SOBP: variants seen among roughly 807,000 people sequenced by gnomAD.
SOBP encodes the protein sine oculis-binding protein homolog.
In SOBP, 4 loss-of-function variants were observed where a neutral mutation model predicts 53.6. That is an observed-to-expected ratio of 0.07 (90% confidence interval 0.04 to 0.17). SOBP has a LOEUF of 0.17. SOBP is among the 10% of genes least tolerant of loss of function. SOBP has a pLI of 1.00. For missense variants in SOBP, 1,088 were observed against 1,204.7 expected (o/e 0.90, Z 1.43); for synonymous variants, 584 against 522.6 (o/e 1.12, Z -1.60).
chr6:107,529,952 T>C (rs767861135), intron 3 of SOBP, among the ~76,000 whole-genome samples: 2 of 152,216 alleles, frequency 1.3e-5, no homozygotes, highest in Non-Finnish European at 2.9e-5. Context: ...CTGATACATA[T>C]TTATATGATA....
Position 107,635,511 on chromosome 6 carries a change from A to G in SOBP, c.*3+42A>G. 3 of 1,608,346 alleles carry G rather than the reference A, an allele frequency of 1.9e-6. No individual in the cohort carries two copies. The highest frequency in any genetic ancestry group is 2.5e-6 in the Non-Finnish European group (3 of 1,179,086). On this transcript the variant is annotated intron_variant, in intron 6 of 6. Transcript: ENST00000317357. The surrounding 1 kb of genome is among the most constrained non-coding windows in gnomAD (Gnocchi z 4.5). ...GGCGCTCCTCCACACCAGCCAGTGC[A>G]CCTCTCCTTACTTCTGACAAGGCAG... is the stretch of plus-strand genomic sequence containing the variant.
At chr6:107,617,162 C>T (rs1205567808) in intron 5 of SOBP, among the ~76,000 whole-genome samples, 5 of 152,150 alleles carry the variant, frequency 3.3e-5, no homozygotes, top group South Asian at 2.1e-4. Flanking sequence ...TGTGCGCTGG[C>T]TTTTGAATTT....
At chr6:107,609,390 A>G (rs774625856) in intron 5 of SOBP, among the ~76,000 whole-genome samples, 11 of 152,188 alleles carry the variant, frequency 7.2e-5, no homozygotes, top group Non-Finnish European at 1.6e-4. Context: ...ATAGGATTTT[A>G]TAATAATAGC....
At chr6:107,590,544 T>C (rs1182419438) in intron 5 of SOBP, among the ~76,000 whole-genome samples, 1 of 152,200 alleles carries the variant, frequency 6.6e-6, no homozygotes, top group Non-Finnish European at 1.5e-5. Flanking sequence ...TCCTGAGCCA[T>C]CACCTAGACA....
chr6:107,532,034 A>G (rs868528341), intron 3 of SOBP, among the ~76,000 whole-genome samples: 4 of 152,126 alleles, frequency 2.6e-5, no homozygotes, highest in Non-Finnish European at 4.4e-5. Flanking sequence ...GACAAACTCT[A>G]TGAACCCTGA....
intron 4 of SOBP, among the ~76,000 whole-genome samples, chr6:107,586,586 A>T (rs1029028435): frequency 1.3e-5 from 2 of 150,502 alleles, no homozygotes; most frequent in African/African-American, 4.9e-5. Context: ...CTCCTTTTAG[A>T]TCTTTATTTA....
At chr6:107,653,306 C>T (rs1172576993) in intron 6 of SOBP, among the ~76,000 whole-genome samples, 2 of 152,204 alleles carry the variant, frequency 1.3e-5, no homozygotes, top group Admixed American at 6.5e-5. Flanking sequence ...GTTCATTGAC[C>T]GCAGGGCTCT....
intron 6 of SOBP, among the ~76,000 whole-genome samples, chr6:107,654,854 C>T (rs533560550): frequency 5.4e-4 from 70 of 130,092 alleles, no homozygotes; most frequent in African/African-American, 2.2e-3. Flanking sequence ...GTAGAAGAAT[C>T]AAGGCTCTGG....
At chr6:107,574,624 C>T (rs959156822) in intron 4 of SOBP, among the ~76,000 whole-genome samples, 4 of 152,146 alleles carry the variant, frequency 2.6e-5, no homozygotes, top group Admixed American at 6.5e-5. Context: ...GGGTTTCTCA[C>T]GCTGAATCAC....
chr6:107,650,824 C>G (rs1771772601), intron 6 of SOBP, among the ~76,000 whole-genome samples: 2 of 152,104 alleles, frequency 1.3e-5, no homozygotes, highest in Non-Finnish European at 2.9e-5. Context: ...AGGAGGAGAC[C>G]CATGTCTCTC....
intron 2 of SOBP, among the ~76,000 whole-genome samples, chr6:107,505,522 C>T (rs1043224369): frequency 2.0e-5 from 3 of 152,048 alleles, no homozygotes; most frequent in Non-Finnish European, 4.4e-5. Context: ...GGGGTCTCAC[C>T]ATGTTGGCCA....
intron 6 of SOBP, among the ~76,000 whole-genome samples, chr6:107,642,825 C>T (rs1771388630): frequency 6.6e-6 from 1 of 152,188 alleles, no homozygotes; most frequent in Non-Finnish European, 1.5e-5. Flanking sequence ...AGAAACGCTT[C>T]ATGAATTCAT....
At chr6:107,500,893 G>A (rs1782829417) in intron 1 of SOBP, among the ~76,000 whole-genome samples, 1 of 152,176 alleles carries the variant, frequency 6.6e-6, no homozygotes, top group Non-Finnish European at 1.5e-5. Flanking sequence ...TACAACAGAA[G>A]TAATAGTCAT....
At chr6:107,529,064 G>C (rs1192448269) in intron 3 of SOBP, among the ~76,000 whole-genome samples, 5 of 152,122 alleles carry the variant, frequency 3.3e-5, no homozygotes, top group African/African-American at 1.2e-4. Context: ...TGTTCTTTGT[G>C]GTTTAGTGGT....
At chr6:107,522,433 G>A (rs144081168) in intron 3 of SOBP, among the ~76,000 whole-genome samples, 20 of 151,598 alleles carry the variant, frequency 1.3e-4, no homozygotes, top group African/African-American at 4.6e-4. Context: ...GGGATTGAGG[G>A]TAACAAACTC....
intron 1 of SOBP, among the ~76,000 whole-genome samples, chr6:107,500,378 T>TAA (rs752236655): frequency 1.2e-4 from 13 of 112,198 alleles, no homozygotes; most frequent in African/African-American, 3.6e-4. Flanking sequence ...AGACCCTGTC[T>TAA]AAAAAAAAAA....
chr6:107,615,122 CA>C (rs1229784030), intron 5 of SOBP, among the ~76,000 whole-genome samples: 1 of 152,128 alleles, frequency 6.6e-6, no homozygotes, highest in Non-Finnish European at 1.5e-5. Context: ...CTGCGGCACC[CA>C]TGGGGACTGT....
At chr6:107,546,089 C>T (rs1271573322) in intron 4 of SOBP, among the ~76,000 whole-genome samples, 1 of 152,074 alleles carries the variant, frequency 6.6e-6, no homozygotes, top group Non-Finnish European at 1.5e-5. Flanking sequence ...ATTTGGAAGA[C>T]GTATTAAAGA....
intron 5 of SOBP, among the ~76,000 whole-genome samples, chr6:107,596,834 C>T (rs1197343197): frequency 3.3e-5 from 5 of 152,026 alleles, no homozygotes; most frequent in Non-Finnish European, 7.4e-5. Context: ...CCATCACCAC[C>T]ACCACCACCA....
Sources: allele counts gnomAD v4.1 joint callset (sites outside exome capture counted in the v4.1 genomes callset), GRCh38; gene constraint gnomAD v4.1.1; non-coding constraint Gnocchi (gnomAD v3.1); transcripts MANE v1.5; gene names NCBI Gene and HGNC (gene_info 2026-07-23, HGNC 2026-07-21).